Variants in SORL1 observed in about 807,000 individuals in gnomAD.
SORL1 encodes sortilin-related receptor.
A neutral mutation model predicts 273.7 loss-of-function variants in SORL1; 127 were observed. The ratio of observed to expected loss-of-function variants is 0.46; its 90% CI spans 0.40 to 0.54. The LOEUF is 0.54. SORL1 is among the 20% of genes least tolerant of loss of function. SORL1 has a pLI of 0.00. For synonymous variants in SORL1, 1,031 were observed against 1,067.4 expected, an observed-to-expected ratio of 0.97 and a Z score of 0.66; for missense variants, 2,494 against 2,846.1, an observed-to-expected ratio of 0.88 and a Z score of 2.81.
At position 121,589,246 on chromosome 11, in the gene SORL1, G is replaced by T; in HGVS notation, c.3947-13G>T. The T allele has an allele frequency of 6.2e-7, 1 of 1,612,240 alleles. No individual in the cohort carries two copies. Among genetic ancestry groups the T allele is most frequent in the South Asian group, 1.1e-5 (1 of 91,034 alleles). On this transcript the variant is annotated splice_polypyrimidine_tract_variant and intron_variant, in intron 28 of 47. Transcript: ENST00000260197. ...AAGTTCCTGGACTTCATGGATGTTT[G>T]TTCCCTCTGTAGCCCAAGATCCTGA...
intron 23 of SORL1, among the ~76,000 whole-genome samples, chr11:121,573,605 T>A (rs1350336820): frequency 6.6e-6 from 1 of 152,152 alleles, no homozygotes; most frequent in Admixed American, 6.5e-5. Context: ...AGAGCGAGAC[T>A]CCATCTCAAA....
In SORL1 at chr11:121,633,282, C is replaced by T. The variant is rs867980558; in HGVS notation, c.*3719C>T. 9.2e-5 allele frequency: 14 copies of T among 152,132 alleles called. No individual in the cohort carries two copies. Among genetic ancestry groups the T allele is most frequent in the African/African-American group, 2.7e-4 (11 of 41,414 alleles). The allele number at this position is 152,132 out of a possible 1,614,324, so 9.4% of individuals were successfully genotyped here. A position where few individuals can be genotyped will look rare whatever the true frequency, so the allele number is the denominator to read the frequency against. On this transcript the variant is annotated 3_prime_UTR_variant, in exon 48 of 48. Coordinates refer to ENST00000260197, the MANE Select transcript of SORL1 (RefSeq NM_003105.6). The stretch of plus-strand genomic sequence containing the variant: ...TGAGCAGCCATATTATGAATTAAAT[C>T]GTCACAGCCAAGTAATAACCCAAGA...
intron 11 of SORL1, among the ~76,000 whole-genome samples, chr11:121,524,174 A>T (rs1401888105): frequency 1.3e-5 from 2 of 152,264 alleles, no homozygotes. Context: ...TCCCAAGGGA[A>T]GATTAAGCAG....
In SORL1 at chr11:121,486,725, C is replaced by T. The variant is rs990025885; in HGVS notation, c.529-1307C>T. 1.6e-4 allele frequency among the ~76,000 whole-genome samples: 24 copies of T among 151,998 alleles called. 1 individual carries two copies. Among genetic ancestry groups the T allele is most frequent in the African/African-American group, 3.9e-4 (16 of 41,386 alleles). On this transcript the variant is annotated intron_variant, in intron 3 of 47. Transcript: ENST00000260197. Reference sequence around the variant, plus strand: ...CGATCTCCTGACCTCGTGATCCCCCCGCCTCAGCCTCCCAAAGTGCTGGGA... The same window carrying T: ...CGATCTCCTGACCTCGTGATCCCCCTGCCTCAGCCTCCCAAAGTGCTGGGA...
chr11:121,464,453 C>T (rs1026804381), intron 1 of SORL1, among the ~76,000 whole-genome samples: 8 of 152,230 alleles, frequency 5.3e-5, no homozygotes, highest in African/African-American at 7.2e-5. Context: ...TCAGTGCCTA[C>T]TTCATCCGCA....
At chr11:121,553,890 C>T (rs1432830343) in intron 16 of SORL1, 47 bp from the exon 17 acceptor site, 1 of 1,573,908 alleles carries the variant, frequency 6.4e-7, no homozygotes, top group Non-Finnish European at 8.7e-7. Context: ...AGGACCTCTT[C>T]AGCATCCCCT....
intron 6 of SORL1, among the ~76,000 whole-genome samples, chr11:121,509,332 G>A (rs1190912570): frequency 6.6e-6 from 1 of 151,838 alleles, no homozygotes; most frequent in African/African-American, 2.4e-5. Context: ...AGTATCCTTT[G>A]GCCTTTACTT....
intron 12 of SORL1, among the ~76,000 whole-genome samples, chr11:121,539,903 A>G (rs1362002955): frequency 6.6e-6 from 1 of 152,158 alleles, no homozygotes; most frequent in East Asian, 1.9e-4. Flanking sequence ...CATCAGAGCA[A>G]TGATCCTATT....
At chr11:121,570,376 G>T in intron 23 of SORL1, 106 bp downstream of exon 23, 1 of 688,804 alleles carries the variant, frequency 1.5e-6, no homozygotes. Flanking sequence ...ACCCATGATT[G>T]GTGATGCCCA....
chr11:121,456,878 G>A (rs1262745364), intron 1 of SORL1, among the ~76,000 whole-genome samples: 4 of 152,326 alleles, frequency 2.6e-5, no homozygotes, highest in Admixed American at 6.5e-5. Flanking sequence ...GTGGAATACC[G>A]TTCAGCTTTA....
Position 121,621,180 on chromosome 11 carries a change from C to T in SORL1, c.6006C>T (p.Tyr2002=). 3 of 1,614,120 alleles carry T rather than the reference C, an allele frequency of 1.9e-6. No individual in the cohort carries two copies. The highest frequency in any genetic ancestry group is 1.1e-5 in the South Asian group (1 of 91,086). The part of the protein sequence containing the change: ...TLNKLEPGGK[Y]HIIVQLGNMS... ...ACAAGTTGGAGCCTGGCGGGAAATA[C>T]CACATCATTGTCCAACTGGGGAACA... Residue 2002 remains tyrosine, a synonymous_variant, in exon 44 of 48, where the codon TAC becomes TAT. Coordinates refer to ENST00000260197, the MANE Select transcript of SORL1 (RefSeq NM_003105.6).
At chr11:121,506,225 G>A (rs1861783343) in intron 6 of SORL1, among the ~76,000 whole-genome samples, 1 of 151,918 alleles carries the variant, frequency 6.6e-6, no homozygotes, top group Non-Finnish European at 1.5e-5. Flanking sequence ...ACTATTTTTT[G>A]TCTTAAATTC....
intron 45 of SORL1, among the ~76,000 whole-genome samples, chr11:121,622,514 T>G (rs1224115006): frequency 2.0e-5 from 3 of 152,216 alleles, no homozygotes; most frequent in Non-Finnish European, 4.4e-5. Flanking sequence ...TGACTTGTCT[T>G]CCCCTGAAGA....
At chr11:121,478,296 A>G (rs1861312286) in intron 3 of SORL1, 53 bp downstream of exon 3, 3 of 1,587,290 alleles carry the variant, frequency 1.9e-6, no homozygotes, top group Non-Finnish European at 2.6e-6. Context: ...GGGTTTTGGA[A>G]AGATTGCCGC....
intron 21 of SORL1, among the ~76,000 whole-genome samples, chr11:121,564,355 C>G (rs1388147675): frequency 6.6e-6 from 1 of 152,106 alleles, no homozygotes; most frequent in Non-Finnish European, 1.5e-5. Flanking sequence ...TGCAGTTTGC[C>G]CCTGGTTACT....
In SORL1 at chr11:121,629,193, C is replaced by T. The variant is rs138756523; in HGVS notation, c.6578-303C>T. 580 of 367,428 alleles carry T rather than the reference C, an allele frequency of 1.6e-3. 1 individual carries two copies. Among genetic ancestry groups the T allele is most frequent in the Non-Finnish European group, 2.3e-3 (468 of 203,576 alleles). The allele number at this position is 367,428 out of a possible 1,614,324, so 22.8% of individuals were successfully genotyped here. A position where few individuals can be genotyped will look rare whatever the true frequency, so the allele number is the denominator to read the frequency against. Reference sequence around the variant, plus strand: ...AACTCAAACTGGGGAACCCAAACTACCCACTTAGCTTTTGAGTAGGTAATA... The same window carrying T: ...AACTCAAACTGGGGAACCCAAACTATCCACTTAGCTTTTGAGTAGGTAATA... On this transcript the variant is annotated intron_variant, in intron 47 of 47. Coordinates refer to ENST00000260197, the MANE Select transcript of SORL1 (RefSeq NM_003105.6).
chr11:121,511,263 C>G (rs963616345), intron 6 of SORL1, among the ~76,000 whole-genome samples: 3 of 152,058 alleles, frequency 2.0e-5, no homozygotes, highest in Admixed American at 2.0e-4. Flanking sequence ...TCTTAATACT[C>G]AGGCCTCCCA....
rs997485974 is a variant in SORL1, at chr11:121,596,340, G to C, written c.4519+568G>C. 2.0e-5 allele frequency among the ~76,000 whole-genome samples: 3 copies of C among 152,190 alleles called. No individual in the cohort carries two copies. Among genetic ancestry groups the C allele is most frequent in the Non-Finnish European group, 4.4e-5 (3 of 68,028 alleles). ...TACGGGTTTGGAGTTGGTGGGTCCT[G>C]GTGTTTGGTCCTCTGATGAACCCAG... On this transcript the variant is annotated intron_variant, in intron 32 of 47. Coordinates refer to ENST00000260197, the MANE Select transcript of SORL1 (RefSeq NM_003105.6). This position sits in a 1 kb window ranked among gnomAD's most constrained non-coding sequence, Gnocchi z 4.3.
rs1428291053 is a variant in SORL1 at position 121,550,075 on chromosome 11, A to C, written c.2167A>C (p.Arg723=). 1.1e-5 allele frequency: 18 copies of C among 1,613,360 alleles called. No homozygotes were observed. The highest frequency in any genetic ancestry group is 1.4e-5 in the Non-Finnish European group (17 of 1,179,572). The change falls in exon 15 of 48, where the codon AGG becomes CGG. Residue 723 remains arginine, a synonymous_variant. Coordinates refer to ENST00000260197, the MANE Select transcript of SORL1 (RefSeq NM_003105.6). The surrounding 1 kb of genome is among the most constrained non-coding windows in gnomAD (Gnocchi z 5.3). ...GCCTTGCCCTGTGGGTTCTACTTAC[A>C]GGAGAACGAGAGGGTATGTATCACA... is the stretch of plus-strand genomic sequence containing the variant. ...PVPCPVGSTY[R]RTRGYRKISG... is the part of the protein sequence containing the mutation.
Sources: gnomAD v4.1 joint callset for allele counts (sites outside exome capture counted in the v4.1 genomes callset) on GRCh38, gnomAD v4.1.1 for gene constraint, Gnocchi (gnomAD v3.1) non-coding constraint, MANE v1.5 for transcripts, NCBI Gene and HGNC (gene_info 2026-07-23, HGNC 2026-07-21) for gene names.